Variants in TNRC6B observed in about 807,000 individuals in gnomAD.
The protein encoded by TNRC6B is trinucleotide repeat-containing gene 6B protein.
TNRC6B carries 52 observed loss-of-function variants against 203.6 expected under a neutral mutation model. That is an observed-to-expected ratio of 0.26 (90% confidence interval 0.20 to 0.32). The LOEUF (loss-of-function observed/expected upper bound fraction) is 0.32, where lower values mean the gene tolerates loss of function less well. TNRC6B is among the 10% of genes least tolerant of loss of function. TNRC6B has a pLI of 1.00. For missense variants in TNRC6B, 1,923 were observed against 2,286.2 expected, an observed-to-expected ratio of 0.84 and a Z score of 3.24; for synonymous variants, 838 against 845.7, an observed-to-expected ratio of 0.99 and a Z score of 0.16.
chr22:40,214,833 C>T (rs939779987), intron 1 of TNRC6B, among the ~76,000 whole-genome samples: 1 of 152,180 alleles, frequency 6.6e-6, no homozygotes, highest in Admixed American at 6.5e-5. Context: ...AGATTACAGG[C>T]ATGAACCACC....
chr22:40,075,957 T>C (rs1259658027), intron 1 of TNRC6B, among the ~76,000 whole-genome samples: 3 of 152,242 alleles, frequency 2.0e-5, no homozygotes, highest in Non-Finnish European at 4.4e-5. Context: ...CCACAATTCA[T>C]TGTTACCAAT....
At chr22:40,106,701 A>C (rs1051886845) in intron 1 of TNRC6B, 8 of 759,152 alleles carry the variant, frequency 1.1e-5, no homozygotes, top group Admixed American at 1.0e-4. Flanking sequence ...AGCTTCACAA[A>C]CGTTCCATTG....
intron 3 of TNRC6B, among the ~76,000 whole-genome samples, chr22:40,131,511 C>A (rs1440199282): frequency 6.6e-6 from 1 of 151,526 alleles, no homozygotes; most frequent in Non-Finnish European, 1.5e-5. Context: ...AAGCATAATT[C>A]CTTATTTTTG....
intron 1 of TNRC6B, among the ~76,000 whole-genome samples, chr22:40,190,503 A>G (rs1360075099): frequency 6.6e-6 from 1 of 152,214 alleles, no homozygotes; most frequent in Non-Finnish European, 1.5e-5. Context: ...TATTATGTAC[A>G]TTTTAATTTT....
At chr22:40,068,093 G>GCAC (rs1243438849) in intron 1 of TNRC6B, among the ~76,000 whole-genome samples, 1 of 152,044 alleles carries the variant, frequency 6.6e-6, no homozygotes, top group Admixed American at 6.6e-5. Context: ...TTGTTTTCCA[G>GCAC]CACCCTAAGA....
chr22:40,228,893 G>A (rs755695074), intron 1 of TNRC6B, among the ~76,000 whole-genome samples: 5 of 152,128 alleles, frequency 3.3e-5, no homozygotes, highest in Non-Finnish European at 7.3e-5. Context: ...GTTGTTAGAA[G>A]CATGGCATAT....
chr22:40,316,065 G>C, intron 21 of TNRC6B, 53 bp downstream of exon 21: 1 of 1,556,726 alleles, frequency 6.4e-7, no homozygotes, highest in South Asian at 1.1e-5. Flanking sequence ...TATTAAGAGA[G>C]AGGGAAAGGT....
chr22:40,244,310 C>G (rs1380499816), intron 1 of TNRC6B, among the ~76,000 whole-genome samples: 1 of 152,134 alleles, frequency 6.6e-6, no homozygotes, highest in African/African-American at 2.4e-5. Context: ...CAGCATAAGA[C>G]CTAAGGAAAT....
rs1251093094 is a variant in TNRC6B, at chr22:40,335,537, T to A, written c.*12296T>A. 1 of 151,508 alleles carries A rather than the reference T, an allele frequency of 6.6e-6. No homozygotes were observed. Among genetic ancestry groups the A allele is most frequent in the Non-Finnish European group, 1.5e-5 (1 of 67,796 alleles). 9.4% of individuals were successfully genotyped at this position (151,508 alleles called of 1,614,324 possible). The stretch of plus-strand genomic sequence containing the variant: ...ACTAAAGGGTGGTGTTTTATTGGAT[T>A]GTGACAGGTTGAGTAATAAGGAATT... On this transcript the variant is annotated 3_prime_UTR_variant, in exon 23 of 23. Transcript: ENST00000454349.
chr22:40,196,256 C>T (rs1477946169), intron 1 of TNRC6B, among the ~76,000 whole-genome samples: 1 of 150,538 alleles, frequency 6.6e-6, no homozygotes, highest in Admixed American at 6.6e-5. Flanking sequence ...CTCAAGCAGT[C>T]CTTCCATCTC....
At chr22:40,164,407 A>C (rs1044138243) in intron 4 of TNRC6B, among the ~76,000 whole-genome samples, 2 of 135,840 alleles carry the variant, frequency 1.5e-5, no homozygotes, top group Non-Finnish European at 3.2e-5. Context: ...AAAAAAAAAA[A>C]GGGCATTGTT....
At chr22:40,180,217 GAAAGCACT>G (rs2069114438) in intron 1 of TNRC6B, among the ~76,000 whole-genome samples, 1 of 152,138 alleles carries the variant, frequency 6.6e-6, no homozygotes, top group Non-Finnish European at 1.5e-5. Flanking sequence ...TTCTGAAAAT[GAAAGCACT>G]TTTTTGGGGC....
At chr22:40,307,196 T>C (rs1434673881) in intron 15 of TNRC6B, among the ~76,000 whole-genome samples, 3 of 152,178 alleles carry the variant, frequency 2.0e-5, no homozygotes, top group African/African-American at 7.2e-5. Flanking sequence ...TATCAAACTA[T>C]CCCAGACAAC....
intron 1 of TNRC6B, among the ~76,000 whole-genome samples, chr22:40,231,661 A>G (rs1390608816): frequency 6.6e-6 from 1 of 152,146 alleles, no homozygotes; most frequent in East Asian, 1.9e-4. Flanking sequence ...GCTCCATTTG[A>G]TTTTCCAAAT....
intron 1 of TNRC6B, among the ~76,000 whole-genome samples, chr22:40,217,907 A>C (rs1444290119): frequency 6.9e-6 from 1 of 144,914 alleles, no homozygotes; most frequent in Non-Finnish European, 1.5e-5. Context: ...CCTGGAGCAG[A>C]GGTTGCAGTG....
chr22:40,215,830 T>TA (rs2069627457), intron 1 of TNRC6B, among the ~76,000 whole-genome samples: 1 of 152,252 alleles, frequency 6.6e-6, no homozygotes, highest in Non-Finnish European at 1.5e-5. Context: ...CCTCGACTAA[T>TA]ACCTCGTGAA....
Position 40,097,100 on chromosome 22 carries a change from T to A in TNRC6B, c.-120-19955T>A, listed in dbSNP as rs185886410. ...GGTGTCAGGTGGCATAGCTGAACCA[T>A]CCTTACATCTCACTGGGGAGTTTGG... On this transcript the variant is annotated intron_variant, in intron 1 of 23. Coordinates refer to the TNRC6B transcript ENST00000301923. 1.4e-3 allele frequency among the ~76,000 whole-genome samples: 213 copies of A among 152,298 alleles called. 1 individual carries two copies. Among genetic ancestry groups the A allele is most frequent in the African/African-American group, 5.0e-3 (207 of 41,558 alleles).
intron 1 of TNRC6B, among the ~76,000 whole-genome samples, chr22:40,058,910 C>T (rs1569246140): frequency 1.3e-5 from 2 of 152,166 alleles, no homozygotes; most frequent in Non-Finnish European, 2.9e-5. Context: ...TTAAATAGCT[C>T]TCTAGTCAGT....
intron 1 of TNRC6B, among the ~76,000 whole-genome samples, chr22:40,191,617 T>C (rs1393489271): frequency 6.6e-6 from 1 of 152,236 alleles, no homozygotes; most frequent in Non-Finnish European, 1.5e-5. Context: ...GTTCTCACTC[T>C]GTCATCCAGG....
Sources: allele counts gnomAD v4.1 joint callset (sites outside exome capture counted in the v4.1 genomes callset), GRCh38; gene constraint gnomAD v4.1.1; transcripts MANE v1.5; gene names NCBI Gene and HGNC (gene_info 2026-07-23, HGNC 2026-07-21).